Variants in SYTL5 observed in about 807,000 individuals in gnomAD.
SYTL5 encodes the protein synaptotagmin like 5, also known as synaptotagmin-like protein 5.
Under a neutral mutation model 55.9 loss-of-function variants are expected in SYTL5, and 34 were observed. That is an observed-to-expected ratio of 0.61 (90% CI 0.46 to 0.81). The LOEUF (loss-of-function observed/expected upper bound fraction) is 0.81. SYTL5 is among the 30% of genes least tolerant of loss of function. SYTL5 has a pLI of 0.00. For synonymous variants in SYTL5, 221 were observed against 188.7 expected, an observed-to-expected ratio of 1.17 and a Z score of -1.40; for missense variants, 637 against 546.7, an observed-to-expected ratio of 1.17 and a Z score of -1.65.
chrX:38,121,356 C>T (rs964608857), intron 14 of SYTL5, among the ~76,000 whole-genome samples: 1 of 111,829 alleles, frequency 8.9e-6, no homozygotes, highest in Non-Finnish European at 1.9e-5. Flanking sequence ...AGGCAGCCTC[C>T]TCTGTCCTCC....
chrX:37,975,747 C>A, the SYTL5 span, among the ~76,000 whole-genome samples: 2 of 112,135 alleles, frequency 1.8e-5, no homozygotes, highest in South Asian at 7.5e-4. Flanking sequence ...AACATTTGCT[C>A]GTATATTTTC....
rs1937106214 is a variant in SYTL5, at chrX:38,102,366, AGCATTGATGCCTTAGTGTCCTC to A, written c.1091_1112del (p.Ile364SerfsTer21). 1.7e-6 allele frequency: 2 copies of A among 1,206,092 alleles called. 1 individual carries two copies. The highest frequency in any genetic ancestry group is 4.4e-5 in the Admixed American group (2 of 45,704). On this transcript the variant is annotated frameshift_variant, in exon 10 of 17. Coordinates refer to ENST00000297875, the MANE Select transcript of SYTL5 (RefSeq NM_138780.3). LOFTEE classifies it high-confidence loss of function. ...GGACTCCTTGGAAGAGACTGAAGAA[AGCATTGATGCCTTAGTGTCCTC>A]GCAGTTATCTACAAACACTCACCGT...
At chrX:38,002,150 A>G (rs1209167493), upstream of SYTL5, among the ~76,000 whole-genome samples, 1 of 111,092 alleles carries the variant, frequency 9.0e-6, no homozygotes, top group Non-Finnish European at 1.9e-5. Flanking sequence ...TTTGCTGAGA[A>G]TGATGGTTTC....
At chrX:37,904,268 G>C in the SYTL5 span, among the ~76,000 whole-genome samples, 11 of 104,808 alleles carry the variant, frequency 1.0e-4, no homozygotes, top group South Asian at 1.9e-3. Context: ...GGTGGTCCGG[G>C]GGGGGGGGTG....
At chrX:37,908,816 G>C in the SYTL5 span, among the ~76,000 whole-genome samples, 4 of 110,907 alleles carry the variant, frequency 3.6e-5, no homozygotes, top group Non-Finnish European at 5.7e-5. Flanking sequence ...TAAATATTCA[G>C]TAAATAGTTG....
At chrX:38,076,750 A>G in intron 6 of SYTL5, 49 bp downstream of exon 6, 1 of 1,140,067 alleles carries the variant, frequency 8.8e-7, no homozygotes, top group Non-Finnish European at 1.2e-6. Context: ...GTTAAGGTTG[A>G]TATATTCCCA....
chrX:38,039,110 T>G (rs1162650231), intron 2 of SYTL5, among the ~76,000 whole-genome samples: 1 of 111,609 alleles, frequency 9.0e-6, no homozygotes, highest in Non-Finnish European at 1.9e-5. Flanking sequence ...AGCTGGGGAA[T>G]AGGCATCTGT....
At chrX:38,087,931 C>A (rs1327139122) in intron 6 of SYTL5, among the ~76,000 whole-genome samples, 1 of 111,118 alleles carries the variant, frequency 9.0e-6, no homozygotes, top group East Asian at 2.8e-4. Context: ...TACATGCATA[C>A]ATGTATGGAA....
chrX:38,071,739 T>C (rs1936270261), intron 3 of SYTL5, among the ~76,000 whole-genome samples: 1 of 111,869 alleles, frequency 8.9e-6, no homozygotes, highest in Non-Finnish European at 1.9e-5. Flanking sequence ...TTACCAGCTG[T>C]GTGATATGAG....
chrX:37,995,618 C>T, the SYTL5 span, among the ~76,000 whole-genome samples: 1 of 111,955 alleles, frequency 8.9e-6, no homozygotes, highest in East Asian at 2.8e-4. Context: ...AAGGAAGTCT[C>T]CTTCAGCTGA....
chrX:37,909,098 T>G, the SYTL5 span, among the ~76,000 whole-genome samples: 2 of 109,754 alleles, frequency 1.8e-5, no homozygotes, highest in Non-Finnish European at 3.8e-5. Flanking sequence ...CTGGGGAAGA[T>G]GTACTACTGC....
chrX:37,984,537 G>A, the SYTL5 span, among the ~76,000 whole-genome samples: 1 of 111,489 alleles, frequency 9.0e-6, no homozygotes, highest in East Asian at 2.8e-4. Flanking sequence ...TGGCTTCATT[G>A]GTGAATGCTA....
chrX:37,960,731 G>A, the SYTL5 span, among the ~76,000 whole-genome samples: 1,072 of 108,398 alleles, frequency 9.9e-3, 15 homozygotes, highest in African/African-American at 0.034. Flanking sequence ...GGCAATGCAG[G>A]TATTTTTTTT....
In SYTL5 at chrX:38,067,404, G is replaced by A. The variant is rs545653637; in HGVS notation, c.330-4643G>A. ...TATCAAAAAAAAAAAAAAGATCTAA[G>A]GCCTTGGCATGCCACTATTTAGCAA... On this transcript the variant is annotated intron_variant, in intron 3 of 16. Transcript: ENST00000297875. Among the ~76,000 whole-genome samples the A allele has an allele frequency of 3.9e-4, 43 of 109,469 alleles. No homozygotes were observed. In the South Asian group the frequency reaches 0.017, roughly 42 times the overall value.
chrX:38,000,478 C>T, the SYTL5 span, among the ~76,000 whole-genome samples: 1 of 112,475 alleles, frequency 8.9e-6, no homozygotes, highest in Non-Finnish European at 1.9e-5. Context: ...GCTGCTCAAA[C>T]CCCTAGCGGG....
intron 1 of SYTL5, among the ~76,000 whole-genome samples, chrX:38,014,164 G>C (rs1448888626): frequency 1.8e-5 from 2 of 112,415 alleles, no homozygotes; most frequent in Non-Finnish European, 3.8e-5. Flanking sequence ...GTATAAATTT[G>C]ACCAATACAA....
chrX:38,125,914 C>A (rs924615070), intron 16 of SYTL5, among the ~76,000 whole-genome samples: 1 of 111,642 alleles, frequency 9.0e-6, no homozygotes, highest in Non-Finnish European at 1.9e-5. Flanking sequence ...TTCTGTCCAG[C>A]ACTTGCAGCT....
At chrX:38,009,839 C>T (rs775200226) in intron 1 of SYTL5, among the ~76,000 whole-genome samples, 3 of 112,162 alleles carry the variant, frequency 2.7e-5, no homozygotes, top group Non-Finnish European at 5.6e-5. Context: ...CCACAGTTTC[C>T]TCAGACTCAT....
At chrX:38,088,766 A>C (rs927094388) in intron 6 of SYTL5, among the ~76,000 whole-genome samples, 2 of 112,233 alleles carry the variant, frequency 1.8e-5, no homozygotes, top group African/African-American at 6.5e-5. Flanking sequence ...ATATGTACTG[A>C]GTGGCTTCTT....
Sources: allele counts gnomAD v4.1 joint callset (sites outside exome capture counted in the v4.1 genomes callset), GRCh38; gene constraint gnomAD v4.1.1; transcripts MANE v1.5; gene names NCBI Gene and HGNC (gene_info 2026-07-23, HGNC 2026-07-21).